SNX29: variants seen among roughly 807,000 people sequenced by gnomAD.
SNX29 encodes sorting nexin-29.
Under a neutral mutation model 102.1 loss-of-function variants are expected in SNX29, and 78 were observed. That is an observed-to-expected ratio of 0.76 (90% CI 0.64 to 0.92). The LOEUF is 0.92. Among genes scored for constraint, SNX29 ranks in the 40% least tolerant of loss-of-function variants. The pLI is 0.00. For synonymous variants in SNX29, 580 were observed against 414.5 expected, an observed-to-expected ratio of 1.40 and a Z score of -4.85; for missense variants, 1,280 against 1,061.7, an observed-to-expected ratio of 1.21 and a Z score of -2.86.
intron 12 of SNX29, among the ~76,000 whole-genome samples, chr16:12,128,836 C>T (rs1022380156): frequency 6.6e-6 from 1 of 152,136 alleles, no homozygotes; most frequent in Admixed American, 6.6e-5. Flanking sequence ...AATTGTTTTC[C>T]AGAAACAGCC....
At chr16:12,409,148 G>T (rs1002869241) in intron 18 of SNX29, among the ~76,000 whole-genome samples, 2 of 152,216 alleles carry the variant, frequency 1.3e-5, no homozygotes, top group African/African-American at 2.4e-5. Flanking sequence ...ACGGTAGGCT[G>T]TGCTGATGCG....
In SNX29 at chr16:12,569,352, C is replaced by G. The variant is rs538008398; in HGVS notation, c.*723C>G. On this transcript the variant is annotated 3_prime_UTR_variant, in exon 21 of 21. Coordinates refer to ENST00000566228, the MANE Select transcript of SNX29 (RefSeq NM_032167.5). The stretch of plus-strand genomic sequence containing the variant: ...TAGCCTGAGGCCACCTAGGCCCTCG[C>G]CAGGCTTGGAGTGGGGGGACTCAGA... 1 of 230,050 alleles carries G rather than the reference C, an allele frequency of 4.3e-6. No homozygotes were observed. The highest frequency in any genetic ancestry group is 1.8e-4 in the South Asian group (1 of 5,490). The allele number at this position is 230,050 out of a possible 1,614,324, so 14.3% of individuals were successfully genotyped here.
At chr16:12,346,091 C>T (rs1166352452) in intron 15 of SNX29, among the ~76,000 whole-genome samples, 1 of 120,458 alleles carries the variant, frequency 8.3e-6, no homozygotes, top group Non-Finnish European at 2.1e-5. Flanking sequence ...GGATTTTAAG[C>T]AGTAAAGGGG....
chr16:12,275,247 G>A (rs960515209), intron 14 of SNX29, among the ~76,000 whole-genome samples: 2 of 152,052 alleles, frequency 1.3e-5, no homozygotes, highest in Admixed American at 6.6e-5. Context: ...CCATTCCCTG[G>A]CTTAGAGGCA....
In SNX29 at chr16:12,568,559, G is replaced by T; in HGVS notation, c.2372G>T (p.Arg791Leu). The T allele has an allele frequency of 1.2e-6, 2 of 1,609,154 alleles. No homozygotes were observed. The highest frequency in any genetic ancestry group is 2.2e-5 in the East Asian group (1 of 44,858). The part of the protein sequence containing the change: ...PVNSRPKAAS[R>L]FPKLSRGQPR... The stretch of plus-strand genomic sequence containing the variant: ...AACAGCCGGCCCAAAGCAGCTTCCC[G>T]CTTCCCCAAACTGTCCCGGGGTCAG... The change falls in exon 21 of 21, where the codon CGC becomes CTC. Residue 791 changes from arginine (R) to leucine (L), a missense_variant. Arg to Leu is a moderately radical substitution (Grantham distance 102). Coordinates refer to ENST00000566228, the MANE Select transcript of SNX29 (RefSeq NM_032167.5).
At chr16:12,567,415 T>G (rs1286438250) in intron 20 of SNX29, among the ~76,000 whole-genome samples, 2 of 152,212 alleles carry the variant, frequency 1.3e-5, no homozygotes, top group Non-Finnish European at 2.9e-5. Context: ...AAATAGCGTA[T>G]AGTAGGCAGA....
At chr16:12,180,134 C>G (rs2076349490) in intron 13 of SNX29, among the ~76,000 whole-genome samples, 1 of 152,060 alleles carries the variant, frequency 6.6e-6, no homozygotes, top group Non-Finnish European at 1.5e-5. Context: ...CAGTATTTGT[C>G]ACTTCCTCTC....
chr16:12,096,242 ACTGT>A lies in SNX29; in HGVS notation c.1402+17330_1402+17333del, dbSNP rs1394347467. Among the ~76,000 whole-genome samples the A allele has an allele frequency of 1.3e-5, 2 of 152,216 alleles. No individual in the cohort carries two copies. Among genetic ancestry groups the A allele is most frequent in the Admixed American group, 6.5e-5 (1 of 15,282 alleles). ...AATTTTGTGTATTAGCCCTTCAGTGACTGTCTTAGTGTCTTAGTAATTGGAAGGT... is the reference window on the plus strand; with the variant it reads ...AATTTTGTGTATTAGCCCTTCAGTGACTTAGTGTCTTAGTAATTGGAAGGT... On this transcript the variant is annotated intron_variant, in intron 11 of 20. Transcript: ENST00000566228. The surrounding 1 kb of genome is among the most constrained non-coding windows in gnomAD (Gnocchi z 4.2).
intron 13 of SNX29, among the ~76,000 whole-genome samples, chr16:12,153,546 T>A (rs2055395003): frequency 6.6e-6 from 1 of 151,568 alleles, no homozygotes; most frequent in East Asian, 1.9e-4. Context: ...TGACCTCACC[T>A]CACTGCAGCC....
intron 18 of SNX29, among the ~76,000 whole-genome samples, chr16:12,410,689 C>T (rs1320310111): frequency 6.6e-6 from 1 of 152,176 alleles, no homozygotes; most frequent in Non-Finnish European, 1.5e-5. Flanking sequence ...CCACTTGGGC[C>T]TCCCAAAGTG....
rs758827865 is a variant in SNX29 at position 12,282,083 on chromosome 16, C to CAAAAAAAAA, written c.1782+4064_1782+4072dup. Reference sequence around the variant, plus strand: ...TGGGCGACAGAGTGAGACTCCATCTCAAAAAAAAAAAAAAAAAAAAAAAAA... The same window carrying CAAAAAAAAA: ...TGGGCGACAGAGTGAGACTCCATCTCAAAAAAAAAAAAAAAAAAAAAAAAAAAAAAAAAA... On this transcript the variant is annotated intron_variant, in intron 15 of 20. Coordinates refer to ENST00000566228, the MANE Select transcript of SNX29 (RefSeq NM_032167.5). 6.4e-5 allele frequency among the ~76,000 whole-genome samples: 4 copies of CAAAAAAAAA among 62,050 alleles called. 1 individual carries two copies. Among genetic ancestry groups the CAAAAAAAAA allele is most frequent in the African/African-American group, 6.3e-5 (1 of 15,986 alleles). 40.7% of individuals were successfully genotyped at this position (62,050 alleles called of 152,430 possible).
At chr16:12,382,147 A>T (rs775982818) in intron 16 of SNX29, among the ~76,000 whole-genome samples, 1 of 152,044 alleles carries the variant, frequency 6.6e-6, no homozygotes, top group Non-Finnish European at 1.5e-5. Flanking sequence ...CCTCTCATTC[A>T]TTCAGGAGGT....
At position 12,569,641 on chromosome 16, in the gene SNX29, G is replaced by C. The variant is rs901944917; in HGVS notation, c.*1012G>C. 380 of 218,510 alleles carry C rather than the reference G, an allele frequency of 1.7e-3. No individual in the cohort carries two copies. Among genetic ancestry groups the C allele is most frequent in the African/African-American group, 8.6e-3 (367 of 42,684 alleles). 13.5% of individuals were successfully genotyped at this position (218,510 alleles called of 1,614,324 possible). A position where few individuals can be genotyped will look rare whatever the true frequency, so the allele number is the denominator to read the frequency against. ...ACAGAACTCTGCATCCCCTAAGACA[G>C]AGTCCTCTGTTCCTCCCATGTCAGG... On this transcript the variant is annotated 3_prime_UTR_variant, in exon 21 of 21. Transcript: ENST00000566228.
chr16:12,443,019 C>G (rs889820767), intron 18 of SNX29: 2 of 455,814 alleles, frequency 4.4e-6, no homozygotes, highest in Admixed American at 2.4e-5. Context: ...GAAAATCATT[C>G]TTAGTCTGTG....
At chr16:12,538,263 C>A (rs573480261) in intron 20 of SNX29, among the ~76,000 whole-genome samples, 2 of 152,254 alleles carry the variant, frequency 1.3e-5, no homozygotes, top group South Asian at 4.1e-4. Context: ...TTACAGGGAT[C>A]TGCCACCACA....
rs529313750 is a variant in SNX29 at position 12,475,386 on chromosome 16, C to G, written c.2038-2333C>G. Among the ~76,000 whole-genome samples, 7 of 152,270 alleles carry G rather than the reference C, an allele frequency of 4.6e-5. No individual in the cohort carries two copies. The South Asian group carries it at 1.5e-3, about 32-fold the overall frequency. Reference sequence around the variant, plus strand: ...ATAATGACTTCTTGATTATTTAGATCAGGGGTTATCAAACTCTTTTTGTAA... The same window carrying G: ...ATAATGACTTCTTGATTATTTAGATGAGGGGTTATCAAACTCTTTTTGTAA... On this transcript the variant is annotated intron_variant, in intron 18 of 20. Transcript: ENST00000566228.
chr16:12,365,972 G>T (rs1047824147), intron 16 of SNX29, among the ~76,000 whole-genome samples: 68 of 150,058 alleles, frequency 4.5e-4, no homozygotes, highest in African/African-American at 1.2e-3. Flanking sequence ...AACCCGGGAG[G>T]TGGAGGTTGC....
intron 14 of SNX29, among the ~76,000 whole-genome samples, chr16:12,204,226 A>C (rs1047348127): frequency 6.6e-5 from 10 of 152,016 alleles, no homozygotes; most frequent in Non-Finnish European, 1.5e-4. Flanking sequence ...TGACAGTCCT[A>C]CCCTGGACTT....
intron 13 of SNX29, among the ~76,000 whole-genome samples, chr16:12,198,192 A>T (rs1306269850): frequency 7.2e-5 from 11 of 152,188 alleles, no homozygotes. Flanking sequence ...GGTATATACT[A>T]GGTTTTTGCC....
Sources: gnomAD v4.1 joint callset for allele counts (sites outside exome capture counted in the v4.1 genomes callset) on GRCh38, gnomAD v4.1.1 for gene constraint, Gnocchi (gnomAD v3.1) non-coding constraint, MANE v1.5 for transcripts, NCBI Gene and HGNC (gene_info 2026-07-23, HGNC 2026-07-21) for gene names.